Variants in TMEM266 observed in about 807,000 individuals in gnomAD.
The protein encoded by TMEM266 is transmembrane protein 266, also known as Hv1 related protein 1.
In TMEM266, 33 loss-of-function variants were observed where a neutral mutation model predicts 50.5. That is an observed-to-expected ratio of 0.65 (90% confidence interval 0.50 to 0.87). TMEM266 has a LOEUF of 0.87. Ranked by LOEUF, TMEM266 falls within the 40% of genes least tolerant of loss-of-function variation. The pLI is 0.00. For synonymous variants in TMEM266, 310 were observed against 292.3 expected (o/e 1.06, Z -0.62); for missense variants, 655 against 695.1 (o/e 0.94, Z 0.65).
At chr15:76,190,555 G>A (rs978869691) in intron 8 of TMEM266, among the ~76,000 whole-genome samples, 28 of 152,134 alleles carry the variant, frequency 1.8e-4, no homozygotes, top group Admixed American at 1.8e-3. Context: ...TGGAGGTGGA[G>A]GGAGGCGGGA....
At chr15:76,097,899 A>G (rs924338424) in intron 1 of TMEM266, among the ~76,000 whole-genome samples, 5 of 151,812 alleles carry the variant, frequency 3.3e-5, no homozygotes, top group African/African-American at 1.2e-4. Flanking sequence ...TGATTTGGCT[A>G]TTGAAACTTG....
chr15:76,189,952 G>A (rs1041112318), intron 8 of TMEM266, among the ~76,000 whole-genome samples: 2 of 152,222 alleles, frequency 1.3e-5, no homozygotes, highest in African/African-American at 4.8e-5. Flanking sequence ...CCCAGAGACC[G>A]AACCTATAGA....
chr15:76,077,381 A>T (rs1023928057), intron 1 of TMEM266, among the ~76,000 whole-genome samples: 5 of 152,098 alleles, frequency 3.3e-5, no homozygotes, highest in African/African-American at 1.2e-4. Context: ...TGAGACATTG[A>T]AGACATATCA....
At position 76,161,394 on chromosome 15, in the gene TMEM266, G is replaced by A. The variant is rs1567171813; in HGVS notation, c.456+1226G>A. 6.6e-6 allele frequency among the ~76,000 whole-genome samples: 1 copy of A among 152,092 alleles called. No individual in the cohort carries two copies. The highest frequency in any genetic ancestry group is 1.9e-4 in the East Asian group (1 of 5,166). ...GTGGCGTGGGCAGAGGCACTGAGGT[G>A]GGGAACCCCGGGAGTCAGGAGTCCC... On this transcript the variant is annotated intron_variant, in intron 5 of 10. Transcript: ENST00000388942. The surrounding 1 kb of genome is among the most constrained non-coding windows in gnomAD (Gnocchi z 4.1).
At chr15:76,116,715 C>T (rs533876206) in intron 1 of TMEM266, among the ~76,000 whole-genome samples, 2 of 152,258 alleles carry the variant, frequency 1.3e-5, no homozygotes, top group African/African-American at 4.8e-5. Context: ...CATTCCAGAT[C>T]CTGTCTCACA....
At chr15:76,103,515 T>G (rs1422760143) in intron 1 of TMEM266, among the ~76,000 whole-genome samples, 1 of 152,190 alleles carries the variant, frequency 6.6e-6, no homozygotes, top group Non-Finnish European at 1.5e-5. Context: ...TATTGTTTAC[T>G]AAGATGGAAA....
At chr15:76,108,723 A>G (rs1363819523) in intron 1 of TMEM266, among the ~76,000 whole-genome samples, 17 of 152,206 alleles carry the variant, frequency 1.1e-4, no homozygotes, top group Non-Finnish European at 1.5e-5. Flanking sequence ...GATGTAGTAG[A>G]AGGTGAGACC....
chr15:76,083,893 AAAT>A (rs2036732208), intron 1 of TMEM266, among the ~76,000 whole-genome samples: 1 of 152,224 alleles, frequency 6.6e-6, no homozygotes. Flanking sequence ...AGAGAGAAGG[AAAT>A]AATGTATTAT....
intron 1 of TMEM266, among the ~76,000 whole-genome samples, chr15:76,070,977 C>T (rs2036530299): frequency 6.6e-6 from 1 of 152,206 alleles, no homozygotes; most frequent in South Asian, 2.1e-4. Flanking sequence ...AGGACAGACT[C>T]AGGAGTTTGT....
chr15:76,175,672 G>A lies in TMEM266; in HGVS notation c.766G>A (p.Gly256Arg). 1 of 1,613,474 alleles carries A rather than the reference G, an allele frequency of 6.2e-7. No individual in the cohort carries two copies. Among genetic ancestry groups the A allele is most frequent in the Non-Finnish European group, 8.5e-7 (1 of 1,179,480 alleles). The change falls in exon 8 of 11, where the codon GGG becomes AGG. Residue 256 changes from glycine (G) to arginine (R), a missense_variant and splice_region_variant. By Grantham distance (125) the Gly-to-Arg change is moderately radical (BLOSUM62 -2). This residue lies in a region of TMEM266 where 455 missense variants were observed against 401.8 expected (regional missense o/e 1.13). Transcript: ENST00000388942. ...GCTGACGCAGATCTGTCAGGAGCAA[G>A]GGGTAATGCACTGCCACTTTCGGCT...
chr15:76,202,188 C>T lies in TMEM266; in HGVS notation c.959-14C>T, dbSNP rs748922407. On this transcript the variant is annotated splice_polypyrimidine_tract_variant and intron_variant, in intron 9 of 10. Coordinates refer to ENST00000388942, the MANE Select transcript of TMEM266 (RefSeq NM_152335.3). ...ACTTGATGCACTCACCCTTCTCTGT[C>T]CCCACCTCTGTAGAAGCCACGATGA... is the stretch of plus-strand genomic sequence containing the variant. 2 of 1,610,720 alleles carry T rather than the reference C, an allele frequency of 1.2e-6. No homozygotes were observed. Among genetic ancestry groups the T allele is most frequent in the African/African-American group, 1.3e-5 (1 of 74,842 alleles).
At chr15:76,065,322 C>T (rs2036393198) in intron 1 of TMEM266, among the ~76,000 whole-genome samples, 1 of 152,160 alleles carries the variant, frequency 6.6e-6, no homozygotes. Flanking sequence ...CACCCCTCTA[C>T]TGAAACAGAA....
chr15:76,070,027 C>T (rs1284151639), intron 1 of TMEM266, among the ~76,000 whole-genome samples: 2 of 151,874 alleles, frequency 1.3e-5, no homozygotes, highest in African/African-American at 2.4e-5. Context: ...ATTGAATATT[C>T]CTAATATTGA....
intron 1 of TMEM266, among the ~76,000 whole-genome samples, chr15:76,091,482 C>T (rs12907563): frequency 0.23 from 34,345 of 151,398 alleles, 4,425 homozygotes; most frequent in Non-Finnish European, 0.27. Context: ...CCCAGGAGTT[C>T]GAGGCTGCAG....
intron 1 of TMEM266, among the ~76,000 whole-genome samples, chr15:76,108,592 T>C (rs1186437499): frequency 1.3e-5 from 2 of 152,070 alleles, no homozygotes; most frequent in Non-Finnish European, 2.9e-5. Context: ...AAAGCAAGGA[T>C]CTAAGAAATC....
At chr15:76,112,321 T>C (rs186276878) in intron 1 of TMEM266, among the ~76,000 whole-genome samples, 1 of 152,330 alleles carries the variant, frequency 6.6e-6, no homozygotes, top group East Asian at 1.9e-4. Context: ...TGTATCAATA[T>C]TGGTTCATCA....
intron 1 of TMEM266, among the ~76,000 whole-genome samples, chr15:76,116,816 G>A (rs1263925184): frequency 2.0e-5 from 3 of 151,692 alleles, no homozygotes; most frequent in Non-Finnish European, 4.4e-5. Flanking sequence ...TCACGTTAAT[G>A]AAAATAGCAC....
chr15:76,134,855 TGC>T (rs1340398145), intron 2 of TMEM266, among the ~76,000 whole-genome samples: 4 of 152,324 alleles, frequency 2.6e-5, no homozygotes, highest in Admixed American at 6.5e-5. Flanking sequence ...AAATGTTTAT[TGC>T]TCACATGTCT....
At position 76,139,830 on chromosome 15, in the gene TMEM266, G is replaced by A. The variant is rs556332026; in HGVS notation, c.227+1935G>A. Among the ~76,000 whole-genome samples the A allele has an allele frequency of 6.6e-6, 1 of 152,342 alleles. No individual in the cohort carries two copies. Among genetic ancestry groups the A allele is most frequent in the African/African-American group, 2.4e-5 (1 of 41,578 alleles). ...TTCAGGGATTCTGCTTCGGAGCAAA[G>A]CAGTGTCCACATGTGCCCCCTGTGC... On this transcript the variant is annotated intron_variant, in intron 3 of 10. Coordinates refer to ENST00000388942, the MANE Select transcript of TMEM266 (RefSeq NM_152335.3). The surrounding 1 kb of genome is among the most constrained non-coding windows in gnomAD (Gnocchi z 4.1).
Sources: gnomAD v4.1 joint callset for allele counts (sites outside exome capture counted in the v4.1 genomes callset) on GRCh38, gnomAD v4.1.1 for gene constraint, gnomAD v4.1.1 regional missense constraint, Gnocchi (gnomAD v3.1) non-coding constraint, MANE v1.5 for transcripts, NCBI Gene and HGNC (gene_info 2026-07-23, HGNC 2026-07-21) for gene names.